Variants in NMT1 observed in about 807,000 individuals in gnomAD.
NMT1 encodes the protein glycylpeptide N-tetradecanoyltransferase 1.
In NMT1, 12 loss-of-function variants were observed where a neutral mutation model predicts 63.4. The observed-to-expected ratio is 0.19, with a 90% CI of 0.12 to 0.31. The LOEUF (loss-of-function observed/expected upper bound fraction) is 0.31. Ranked by LOEUF, NMT1 falls within the 10% of genes least tolerant of loss-of-function variation. The pLI is 1.00. For missense variants in NMT1, 432 were observed against 634.6 expected, an observed-to-expected ratio of 0.68 and a Z score of 3.43; for synonymous variants, 228 against 234.3, an observed-to-expected ratio of 0.97 and a Z score of 0.25.
At chr17:45,083,626 A>AT (rs1334282662) in intron 2 of NMT1, 1 of 152,088 alleles carries the variant, frequency 6.6e-6, no homozygotes, top group Admixed American at 6.6e-5. Context: ...CTTTTTATTC[A>AT]TTTAATTTAT....
In NMT1 at chr17:45,105,132, T is replaced by A. The variant is rs1200928637; in HGVS notation, c.1470+136T>A. ...TCGAGTTGAACCTTTGAAAATGCCC[T>A]CCCTCTGCTGGCCAGACCAGCAGGT... On this transcript the variant is annotated intron_variant, in intron 11 of 11. Coordinates refer to ENST00000258960, the MANE Select transcript of NMT1 (RefSeq NM_021079.5). This position sits in a 1 kb window ranked among gnomAD's most constrained non-coding sequence, Gnocchi z 4.2. 5.2e-6 allele frequency: 6 copies of A among 1,162,448 alleles called. No homozygotes were observed. The East Asian group carries it at 1.0e-4, about 19-fold the overall frequency. 72.0% of individuals were successfully genotyped at this position (1,162,448 alleles called of 1,614,324 possible). A position where few individuals can be genotyped will look rare whatever the true frequency, so the allele number is the denominator to read the frequency against.
At chr17:45,086,233 C>G (rs1017012750) in intron 2 of NMT1, among the ~76,000 whole-genome samples, 2 of 150,520 alleles carry the variant, frequency 1.3e-5, no homozygotes, top group Non-Finnish European at 2.9e-5. Flanking sequence ...AAGTGATTCT[C>G]CTGCCTCAGC....
At chr17:45,093,641 C>T (rs770198576) in intron 3 of NMT1, 44 bp from the exon 4 acceptor site, 11 of 1,568,968 alleles carry the variant, frequency 7.0e-6, no homozygotes, top group South Asian at 5.6e-5. Flanking sequence ...TTTACTGCCC[C>T]GAGGGGGCAA....
intron 1 of NMT1, among the ~76,000 whole-genome samples, chr17:45,078,933 G>T (rs2053994871): frequency 6.6e-6 from 1 of 152,018 alleles, no homozygotes; most frequent in African/African-American, 2.4e-5. Context: ...AAAGTGTTGG[G>T]ATTACAGGCA....
intron 4 of NMT1, among the ~76,000 whole-genome samples, chr17:45,094,196 A>T (rs1456413891): frequency 6.6e-6 from 1 of 151,966 alleles, no homozygotes; most frequent in East Asian, 1.9e-4. Context: ...TTCCCTTATA[A>T]AGAATGATGA....
chr17:45,063,693 C>T (rs142758179), intron 1 of NMT1, among the ~76,000 whole-genome samples: 3,206 of 151,050 alleles, frequency 0.021, 50 homozygotes, highest in South Asian at 0.049. Flanking sequence ...GTCAGCAGTT[C>T]GAGAACAGCA....
At chr17:45,090,901 A>G (rs1260765402) in intron 3 of NMT1, among the ~76,000 whole-genome samples, 1 of 151,942 alleles carries the variant, frequency 6.6e-6, no homozygotes, top group Non-Finnish European at 1.5e-5. Flanking sequence ...AGGTACTCAA[A>G]GGCCATTGTA....
intron 1 of NMT1, among the ~76,000 whole-genome samples, chr17:45,065,650 A>G (rs1460947733): frequency 6.7e-6 from 1 of 149,090 alleles, no homozygotes; most frequent in African/African-American, 2.5e-5. Context: ...AAAAAGAAAT[A>G]CCTACAGAAA....
At chr17:45,090,301 T>C (rs1444381159) in intron 3 of NMT1, among the ~76,000 whole-genome samples, 1 of 151,924 alleles carries the variant, frequency 6.6e-6, no homozygotes, top group Non-Finnish European at 1.5e-5. Flanking sequence ...AAAAAATAAA[T>C]AAATAAAAAT....
chr17:45,061,416 C>T lies in NMT1; in HGVS notation c.87C>T (p.His29=). The change falls in exon 1 of 12, where the codon CAC becomes CAT. Residue 29 remains histidine, a synonymous_variant. Coordinates refer to ENST00000258960, the MANE Select transcript of NMT1 (RefSeq NM_021079.5). The part of the protein sequence containing the change: ...MMEGNGNGHE[H]CSDCENEEDN... ...AAGGGAACGGGAACGGCCATGAGCACTGCAGCGATTGCGAGAATGAGGAGG... is the reference window on the plus strand; with the variant it reads ...AAGGGAACGGGAACGGCCATGAGCATTGCAGCGATTGCGAGAATGAGGAGG... 1 of 1,614,006 alleles carries T rather than the reference C, an allele frequency of 6.2e-7. No homozygotes were observed.
At chr17:45,102,650 G>A (rs1485052437) in intron 8 of NMT1, among the ~76,000 whole-genome samples, 1 of 152,246 alleles carries the variant, frequency 6.6e-6, no homozygotes, top group African/African-American at 2.4e-5. Context: ...AGAAATTCTT[G>A]TCTTCTGGGG....
intron 2 of NMT1, 31 bp downstream of exon 2, chr17:45,081,783 A>G (rs1479404812): frequency 6.7e-7 from 1 of 1,498,594 alleles, no homozygotes; most frequent in East Asian, 2.5e-5. Flanking sequence ...TTTGTGACTC[A>G]GTCACTTTTT....
At position 45,104,192 on chromosome 17, in the gene NMT1, A is replaced by G. The variant is rs2054188129; in HGVS notation, c.1332+316A>G. The G allele has an allele frequency of 4.8e-6, 6 of 1,261,364 alleles. No homozygotes were observed. In the African/African-American group the frequency reaches 6.1e-5, roughly 13 times the overall value. The allele number at this position is 1,261,364 out of a possible 1,614,324, so 78.1% of individuals were successfully genotyped here. ...CAGGGCTTCTCCTCACAGCTTTCCC[A>G]GCGTGGGAAAGGGGTGATTGCTGTC... On this transcript the variant is annotated intron_variant, in intron 10 of 11. Transcript: ENST00000258960. This position sits in a 1 kb window ranked among gnomAD's most constrained non-coding sequence, Gnocchi z 4.2.
rs1251023194 is a variant in NMT1, at chr17:45,106,315, C to A, written c.*676C>A. On this transcript the variant is annotated 3_prime_UTR_variant, in exon 12 of 12. Transcript: ENST00000258960. Reference sequence around the variant, plus strand: ...GCAGGGACTTTCCTGCAGGGCCAGACCTGCCTGCATTCTGAGACAAAGCAA... The same window carrying A: ...GCAGGGACTTTCCTGCAGGGCCAGAACTGCCTGCATTCTGAGACAAAGCAA... 6.5e-6 allele frequency: 1 copy of A among 152,686 alleles called. No individual in the cohort carries two copies. The highest frequency in any genetic ancestry group is 1.5e-5 in the Non-Finnish European group (1 of 68,066). 9.5% of individuals were successfully genotyped at this position (152,686 alleles called of 1,614,324 possible).
In NMT1 at chr17:45,104,131, C is replaced by T; in HGVS notation, c.1332+255C>T. On this transcript the variant is annotated intron_variant, in intron 10 of 11. Transcript: ENST00000258960. The surrounding 1 kb of genome is among the most constrained non-coding windows in gnomAD (Gnocchi z 4.2). ...GTTTCGTTCTCACAGGAGGCGCCACCAAGGAGCCTGAATAGCCAGGCCTTC... is the reference window on the plus strand; with the variant it reads ...GTTTCGTTCTCACAGGAGGCGCCACTAAGGAGCCTGAATAGCCAGGCCTTC... 1 of 1,383,128 alleles carries T rather than the reference C, an allele frequency of 7.2e-7. No individual in the cohort carries two copies. The highest frequency in any genetic ancestry group is 9.4e-7 in the Non-Finnish European group (1 of 1,062,724). 85.7% of individuals were successfully genotyped at this position (1,383,128 alleles called of 1,614,324 possible).
At chr17:45,083,754 A>G (rs979686400) in intron 2 of NMT1, 1 of 152,128 alleles carries the variant, frequency 6.6e-6, no homozygotes, top group Non-Finnish European at 1.5e-5. Flanking sequence ...CCAGGACTAC[A>G]GGTGTGCACC....
rs970102977 is a variant in NMT1, at chr17:45,098,472, C to T, written c.804C>T (p.Thr268=). 2 of 1,614,074 alleles carry T rather than the reference C, an allele frequency of 1.2e-6. No individual in the cohort carries two copies. The highest frequency in any genetic ancestry group is 8.5e-7 in the Non-Finnish European group (1 of 1,180,028). Residue 268 remains threonine, a synonymous_variant, in exon 7 of 12, where the codon ACC becomes ACT. Transcript: ENST00000258960. ...CTCCAGTTCTGATCCGAGAGATCAC[C>T]AGGCGGGTTCACCTGGAGGGCATCT... The part of the protein sequence containing the change: ...RVAPVLIREI[T]RRVHLEGIFQ...
rs74830691 is a variant in NMT1 at position 45,105,044 on chromosome 17, A to G, written c.1470+48A>G. 4.7e-3 allele frequency: 7,553 copies of G among 1,611,046 alleles called. 27 individuals carry two copies. Among genetic ancestry groups the G allele is most frequent in the Middle Eastern group, 0.022 (127 of 5,680 alleles). ...CCAGGCTGCCCGGCCCAGGGTGTCC[A>G]TGTCTCCAGCAGAAACCGGGCCATG... On this transcript the variant is annotated intron_variant, in intron 11 of 11. Coordinates refer to ENST00000258960, the MANE Select transcript of NMT1 (RefSeq NM_021079.5). The surrounding 1 kb of genome is among the most constrained non-coding windows in gnomAD (Gnocchi z 4.2).
chr17:45,073,736 A>T (rs1263780231), intron 1 of NMT1, among the ~76,000 whole-genome samples: 1 of 152,192 alleles, frequency 6.6e-6, no homozygotes, highest in Non-Finnish European at 1.5e-5. Flanking sequence ...TTGGGGGGAA[A>T]TGGCCCCAAG....
Sources: allele counts gnomAD v4.1 joint callset (sites outside exome capture counted in the v4.1 genomes callset), GRCh38; gene constraint gnomAD v4.1.1; non-coding constraint Gnocchi (gnomAD v3.1); transcripts MANE v1.5; gene names NCBI Gene and HGNC (gene_info 2026-07-23, HGNC 2026-07-21).